The following PIK3C3 variants were observed in gnomAD, a reference collection of about 807,000 sequenced individuals.
PIK3C3 encodes the protein PI3-kinase type 3.
A neutral mutation model predicts 126.1 loss-of-function variants in PIK3C3; 95 were observed. That is an observed-to-expected ratio of 0.75 (90% CI 0.64 to 0.89). The LOEUF is 0.89. Among genes scored for constraint, PIK3C3 ranks in the 40% least tolerant of loss-of-function variants. The pLI is 0.00. For missense variants in PIK3C3, 829 were observed against 1,063.2 expected (o/e 0.78, Z 3.06); for synonymous variants, 374 against 360.0 (o/e 1.04, Z -0.44).
intron 7 of PIK3C3, 70 bp from the exon 8 acceptor site, chr18:41,995,820 A>G (rs1334005913): frequency 3.7e-6 from 4 of 1,074,220 alleles, no homozygotes; most frequent in East Asian, 2.4e-5. Context: ...TACCTTTTCT[A>G]TTTATGAATA....
intron 20 of PIK3C3, among the ~76,000 whole-genome samples, chr18:42,047,335 A>AT (rs1401600872): frequency 1.3e-5 from 2 of 152,126 alleles, no homozygotes; most frequent in Admixed American, 6.5e-5. Flanking sequence ...TGGCAGGTAG[A>AT]TTTCTACGAA....
intron 11 of PIK3C3, 135 bp downstream of exon 11, chr18:42,013,731 T>C (rs1982939566): frequency 3.1e-6 from 2 of 654,386 alleles, no homozygotes; most frequent in South Asian, 3.9e-5. Context: ...GAATATTGCA[T>C]GTGTACTCAC....
intron 18 of PIK3C3, among the ~76,000 whole-genome samples, chr18:42,039,075 A>G (rs767261833): frequency 4.6e-5 from 7 of 152,140 alleles, no homozygotes; most frequent in Non-Finnish European, 1.0e-4. Context: ...GAGAAACAGG[A>G]TATTTCAGAC....
intron 3 of PIK3C3, 54 bp from the exon 4 acceptor site, chr18:41,970,273 C>T: frequency 6.7e-7 from 1 of 1,495,658 alleles, no homozygotes; most frequent in Non-Finnish European, 9.2e-7. Context: ...CTAAAATTTC[C>T]TGTAATGAAC....
rs1444407569 is a variant in PIK3C3, at chr18:42,087,577, C to CA, written c.*6443dup. 6.6e-6 allele frequency: 1 copy of CA among 152,144 alleles called. No individual in the cohort carries two copies. The highest frequency in any genetic ancestry group is 2.4e-5 in the African/African-American group (1 of 41,424). 9.4% of individuals were successfully genotyped at this position (152,144 alleles called of 1,614,324 possible). A position where few individuals can be genotyped will look rare whatever the true frequency, so the allele number is the denominator to read the frequency against. On this transcript the variant is annotated 3_prime_UTR_variant, in exon 25 of 25. Transcript: ENST00000262039. ...AACTTTACAGGCTGCTCTTTGTTAG[C>CA]AAATGATTTGGAGCTTCTTTTCATT...
rs762800295 is a variant in PIK3C3, at chr18:41,957,778, A to G, written c.257+20A>G. ...ATGGAAGTAAGTTTTTTTGTGGCAT[A>G]TGGTATGTTACAGACTGTTCTTACC... On this transcript the variant is annotated intron_variant, in intron 2 of 24. Coordinates refer to ENST00000262039, the MANE Select transcript of PIK3C3 (RefSeq NM_002647.4). 1.9e-6 allele frequency: 3 copies of G among 1,589,442 alleles called. No individual in the cohort carries two copies. The highest frequency in any genetic ancestry group is 2.7e-5 in the African/African-American group (2 of 74,000).
chr18:42,051,514 T>C (rs2144493572), intron 21 of PIK3C3, among the ~76,000 whole-genome samples: 1 of 152,154 alleles, frequency 6.6e-6, no homozygotes, highest in South Asian at 2.1e-4. Flanking sequence ...ATTTGGAATG[T>C]CATATATTCA....
At chr18:41,972,616 G>A (rs1387979403) in intron 4 of PIK3C3, among the ~76,000 whole-genome samples, 7 of 152,064 alleles carry the variant, frequency 4.6e-5, no homozygotes, top group Non-Finnish European at 8.8e-5. Flanking sequence ...AGACATCTGA[G>A]CTTGCCGTGC....
chr18:41,983,125 C>T (rs1981288815), intron 4 of PIK3C3, among the ~76,000 whole-genome samples: 1 of 152,112 alleles, frequency 6.6e-6, no homozygotes, highest in African/African-American at 2.4e-5. Context: ...ACTTTCATAT[C>T]ACTGTTTCAA....
chr18:42,033,861 A>C lies in PIK3C3; in HGVS notation c.1743A>C (p.Glu581Asp). ...ERLQALLGDN[E>D]KMNLSDVELI... The stretch of plus-strand genomic sequence containing the variant: ...TACAGGCATTGCTTGGAGATAATGA[A>C]AAGATGAATTTGTCAGATGTGGAAC... Residue 581 changes from glutamate to aspartate, a missense_variant, in exon 16 of 25, where the codon GAA becomes GAC. Glu to Asp is a conservative substitution (Grantham distance 45). Around this residue, in one of 4 missense-constraint regions of PIK3C3, gnomAD observed 256 missense variants for 291.0 expected, o/e 0.88. Coordinates refer to ENST00000262039, the MANE Select transcript of PIK3C3 (RefSeq NM_002647.4). The C allele has an allele frequency of 6.2e-7, 1 of 1,605,526 alleles. No individual in the cohort carries two copies. The highest frequency in any genetic ancestry group is 1.1e-5 in the South Asian group (1 of 89,804).
chr18:41,966,177 C>CTTTTTTT (rs10539758), intron 3 of PIK3C3, among the ~76,000 whole-genome samples: 13 of 112,570 alleles, frequency 1.2e-4, no homozygotes, highest in East Asian at 8.2e-4. Context: ...TATATTGTTC[C>CTTTTTTT]TTTTTTTTTT....
chr18:42,033,436 T>G (rs1265831184), intron 15 of PIK3C3, among the ~76,000 whole-genome samples: 2 of 152,344 alleles, frequency 1.3e-5, no homozygotes, highest in East Asian at 3.9e-4. Flanking sequence ...TTGCTTAATA[T>G]TTGGTCATGC....
At chr18:42,038,872 A>G (rs1984179934) in intron 18 of PIK3C3, 22 bp downstream of exon 18, 6 of 1,426,108 alleles carry the variant, frequency 4.2e-6, no homozygotes, top group Non-Finnish European at 5.9e-6. Flanking sequence ...TTACATCATT[A>G]TTATTTACTT....
At chr18:41,961,047 G>C (rs1446172911) in intron 2 of PIK3C3, among the ~76,000 whole-genome samples, 1 of 152,090 alleles carries the variant, frequency 6.6e-6, no homozygotes, top group Non-Finnish European at 1.5e-5. Context: ...CAGAAGCCTC[G>C]TATATAAAAC....
intron 22 of PIK3C3, 187 bp from the exon 23 acceptor site, chr18:42,064,553 G>T: frequency 3.8e-6 from 2 of 527,094 alleles, no homozygotes; most frequent in East Asian, 3.0e-5. Context: ...GGTGTTATAC[G>T]AAGACCCCAA....
At chr18:41,971,350 A>G (rs1015018301) in intron 4 of PIK3C3, 1 of 152,074 alleles carries the variant, frequency 6.6e-6, no homozygotes, top group African/African-American at 2.4e-5. Context: ...AGAAATCTTC[A>G]AGAATAAGTA....
At chr18:42,036,464 T>C (rs1186568685) in intron 16 of PIK3C3, among the ~76,000 whole-genome samples, 2 of 152,018 alleles carry the variant, frequency 1.3e-5, no homozygotes, top group African/African-American at 4.8e-5. Flanking sequence ...TGGATTAATA[T>C]ATTTCTCCAA....
At position 42,029,394 on chromosome 18, in the gene PIK3C3, C is replaced by A. The variant is rs757310412; in HGVS notation, c.1660C>A (p.His554Asn). ...ACAGACATTTGTAGATCGGTTGGTG[C>A]ATCTAATGAAGGCAGTACAACGCGA... ...AQQTFVDRLV[H>N]LMKAVQRESG... The change falls in exon 15 of 25, where the codon CAT becomes AAT. Residue 554 changes from histidine (H) to asparagine (N), a missense_variant. By Grantham distance (68) the His-to-Asn change is moderately conservative. Transcript: ENST00000262039. The A allele has an allele frequency of 6.2e-7, 1 of 1,613,478 alleles. No homozygotes were observed. Among genetic ancestry groups the A allele is most frequent in the Non-Finnish European group, 8.5e-7 (1 of 1,179,574 alleles).
chr18:41,962,513 A>G lies in PIK3C3; in HGVS notation c.282A>G (p.Pro94=). Residue 94 remains proline, a synonymous_variant, in exon 3 of 25, where the codon CCA becomes CCG. Transcript: ENST00000262039. ...GCTGGAATGAATGGCTGAAACTACC[A>G]GTAAAATACCCTGACCTGCCCAGGA... ...RWNWNEWLKL[P]VKYPDLPRNA... The G allele has an allele frequency of 2.5e-6, 4 of 1,611,362 alleles. No individual in the cohort carries two copies. The highest frequency in any genetic ancestry group is 1.7e-5 in the Admixed American group (1 of 59,832).
Sources: gnomAD v4.1 joint callset for allele counts (sites outside exome capture counted in the v4.1 genomes callset) on GRCh38, gnomAD v4.1.1 for gene constraint, gnomAD v4.1.1 regional missense constraint, MANE v1.5 for transcripts, NCBI Gene and HGNC (gene_info 2026-07-23, HGNC 2026-07-21) for gene names.